Variants in TWIST2 observed in about 807,000 individuals in gnomAD.
TWIST2 encodes twist family bHLH transcription factor 2, also known as twist-related protein 2.
In TWIST2, 1 loss-of-function variant was observed where a neutral mutation model predicts 11.6. The ratio of observed to expected loss-of-function variants is 0.09; its 90% CI spans 0.03 to 0.41. TWIST2 has a LOEUF of 0.41. Ranked by LOEUF, TWIST2 falls within the 10% of genes least tolerant of loss-of-function variation. TWIST2 has a pLI of 0.98. For synonymous variants in TWIST2, 87 were observed against 96.6 expected, an observed-to-expected ratio of 0.90 and a Z score of 0.58; for missense variants, 168 against 226.4, an observed-to-expected ratio of 0.74 and a Z score of 1.66.
chr2:238,883,241 C>G (rs143602143), intron 1 of TWIST2, among the ~76,000 whole-genome samples: 5 of 152,294 alleles, frequency 3.3e-5, no homozygotes, highest in African/African-American at 4.8e-5. Context: ...GTTCCTCCCC[C>G]CAGGCAGTCA....
intron 1 of TWIST2, among the ~76,000 whole-genome samples, chr2:238,898,094 C>G (rs2106371959): frequency 6.6e-6 from 1 of 152,322 alleles, no homozygotes; most frequent in African/African-American, 2.4e-5. Flanking sequence ...TGTGTTAGGA[C>G]CCTTCAGAGG....
In TWIST2 at chr2:238,867,742, C is replaced by T. The variant is rs1692569147; in HGVS notation, c.*35+19009C>T. Among the ~76,000 whole-genome samples the T allele has an allele frequency of 1.3e-5, 2 of 152,150 alleles. No homozygotes were observed. Among genetic ancestry groups the T allele is most frequent in the South Asian group, 4.1e-4 (2 of 4,820 alleles). Reference sequence around the variant, plus strand: ...GCCCTGAAACTAGAAACTGAAAAGGCAGTCACATCCTCATCAGAAAGAAAT... The same window carrying T: ...GCCCTGAAACTAGAAACTGAAAAGGTAGTCACATCCTCATCAGAAAGAAAT... On this transcript the variant is annotated intron_variant, in intron 1 of 1. Coordinates refer to ENST00000612363, the MANE Select transcript of TWIST2 (RefSeq NM_001271893.4). This position sits in a 1 kb window ranked among gnomAD's most constrained non-coding sequence, Gnocchi z 4.8.
rs1692174282 is a variant in TWIST2, at chr2:238,848,462, A to G, written c.247A>G (p.Asn83Asp). 6.4e-7 allele frequency: 1 copy of G among 1,563,594 alleles called. No individual in the cohort carries two copies. The highest frequency in any genetic ancestry group is 8.6e-7 in the Non-Finnish European group (1 of 1,157,604). The change falls in exon 1 of 2, where the codon AAC becomes GAC. Residue 83 changes from asparagine (N) to aspartate (D), a missense_variant. By Grantham distance (23) the Asn-to-Asp change is conservative. This residue lies in a region of TWIST2 where 23 missense variants were observed against 58.5 expected (regional missense o/e 0.39). Coordinates refer to ENST00000612363, the MANE Select transcript of TWIST2 (RefSeq NM_001271893.4). ...VRERQRTQSL[N>D]EAFAALRKII... ...CGAGCGCCAGCGCACCCAGTCGCTC[A>G]ACGAGGCCTTCGCGGCGCTGCGCAA...
chr2:238,903,536 TG>T (rs1693306052), intron 1 of TWIST2, among the ~76,000 whole-genome samples: 1 of 129,924 alleles, frequency 7.7e-6, no homozygotes, highest in African/African-American at 3.0e-5. Flanking sequence ...TAATGTGAGG[TG>T]TGTGTGGGTT....
chr2:238,858,081 G>A (rs1442000974), intron 1 of TWIST2, among the ~76,000 whole-genome samples: 2 of 152,148 alleles, frequency 1.3e-5, no homozygotes, highest in East Asian at 3.9e-4. Flanking sequence ...GTGTTGTACT[G>A]TTTCCTGAAA....
intron 1 of TWIST2, among the ~76,000 whole-genome samples, chr2:238,852,403 A>G (rs36159837): frequency 0.19 from 29,117 of 152,150 alleles, 2,969 homozygotes; most frequent in African/African-American, 0.24. Flanking sequence ...GTGCTGCAAA[A>G]AGCAAACCAA....
chr2:238,853,915 G>A lies in TWIST2; in HGVS notation c.*35+5182G>A, dbSNP rs150164822. Among the ~76,000 whole-genome samples the A allele has an allele frequency of 4.0e-3, 613 of 152,318 alleles. 4 individuals carry two copies. Among genetic ancestry groups the A allele is most frequent in the African/African-American group, 0.014 (581 of 41,564 alleles). ...CCTGTGGTGATGAAGATGAGAGAGC[G>A]CGGCTGCGTGAGCTGAGTGCAGTGT... On this transcript the variant is annotated intron_variant, in intron 1 of 1. Coordinates refer to ENST00000612363, the MANE Select transcript of TWIST2 (RefSeq NM_001271893.4).
intron 1 of TWIST2, among the ~76,000 whole-genome samples, chr2:238,897,939 T>A (rs1353420203): frequency 6.6e-6 from 1 of 152,214 alleles, no homozygotes; most frequent in East Asian, 1.9e-4. Context: ...GCTGGCACCC[T>A]GATGCCTGCC....
chr2:238,880,094 TGTTA>T (rs1692881705), intron 1 of TWIST2, among the ~76,000 whole-genome samples: 2 of 152,178 alleles, frequency 1.3e-5, no homozygotes, highest in South Asian at 2.1e-4. Context: ...TTGATATTAG[TGTTA>T]GTATTTATTT....
rs1692505562 is a variant in TWIST2 at position 238,864,907 on chromosome 2, G to A, written c.*35+16174G>A. Among the ~76,000 whole-genome samples the A allele has an allele frequency of 6.6e-6, 1 of 152,188 alleles. No individual in the cohort carries two copies. The highest frequency in any genetic ancestry group is 6.5e-5 in the Admixed American group (1 of 15,286). Reference sequence around the variant, plus strand: ...CCTGGAGATCCGCCAGGAGCAGAGAGCTCCGGAAGGCCTGCCGGGAGGACC... The same window carrying A: ...CCTGGAGATCCGCCAGGAGCAGAGAACTCCGGAAGGCCTGCCGGGAGGACC... On this transcript the variant is annotated intron_variant, in intron 1 of 1. Coordinates refer to ENST00000612363, the MANE Select transcript of TWIST2 (RefSeq NM_001271893.4). This position sits in a 1 kb window ranked among gnomAD's most constrained non-coding sequence, Gnocchi z 4.7.
chr2:238,882,294 G>C (rs1692950762), intron 1 of TWIST2, among the ~76,000 whole-genome samples: 1 of 152,154 alleles, frequency 6.6e-6, no homozygotes, highest in Non-Finnish European at 1.5e-5. Flanking sequence ...GAGAGCGTGG[G>C]AGTCCCTGGC....
rs1292015547 is a variant in TWIST2 at position 238,863,902 on chromosome 2, C to T, written c.*35+15169C>T. ...GGTCGGCCGTAGAGTAGGTCTACCC[C>T]CTATCCTGGGGGCATCCCTGTGTGC... On this transcript the variant is annotated intron_variant, in intron 1 of 1. Transcript: ENST00000612363. The surrounding 1 kb of genome is among the most constrained non-coding windows in gnomAD (Gnocchi z 4.7). Among the ~76,000 whole-genome samples the T allele has an allele frequency of 2.0e-5, 3 of 152,150 alleles. No individual in the cohort carries two copies. The highest frequency in any genetic ancestry group is 7.2e-5 in the African/African-American group (3 of 41,426).
chr2:238,880,334 TGTTA>T (rs1384700506), intron 1 of TWIST2, among the ~76,000 whole-genome samples: 3 of 144,178 alleles, frequency 2.1e-5, no homozygotes, highest in African/African-American at 5.2e-5. Context: ...TTATTATTAG[TGTTA>T]GTGTCAGTAT....
chr2:238,892,599 GC>G (rs543589400), intron 1 of TWIST2, among the ~76,000 whole-genome samples: 1 of 151,930 alleles, frequency 6.6e-6, no homozygotes, highest in African/African-American at 2.4e-5. Flanking sequence ...TCCTGCCTCA[GC>G]CCCCCGAGTA....
chr2:238,862,167 C>A (rs1692447524), intron 1 of TWIST2, among the ~76,000 whole-genome samples: 1 of 152,100 alleles, frequency 6.6e-6, no homozygotes. Context: ...CTAATGCAGG[C>A]CTTTCCGACC....
intron 1 of TWIST2, among the ~76,000 whole-genome samples, chr2:238,894,413 C>T (rs946913010): frequency 0.038 from 5,760 of 152,264 alleles, 176 homozygotes; most frequent in South Asian, 0.11. Flanking sequence ...CCACACTCAG[C>T]GGGTCACTGT....
chr2:238,848,701 C>T lies in TWIST2; in HGVS notation c.*3C>T. Reference sequence around the variant, plus strand: ...GGTCCATGTCCGCCTCCCACTAGCGCCGCGCCACCCACCTCCGGACCGGCG... The same window carrying T: ...GGTCCATGTCCGCCTCCCACTAGCGTCGCGCCACCCACCTCCGGACCGGCG... On this transcript the variant is annotated 3_prime_UTR_variant, in exon 1 of 2. Transcript: ENST00000612363. The T allele has an allele frequency of 6.6e-7, 1 of 1,506,732 alleles. No individual in the cohort carries two copies. Among genetic ancestry groups the T allele is most frequent in the East Asian group, 2.5e-5 (1 of 39,880 alleles). The allele number at this position is 1,506,732 out of a possible 1,614,324, so 93.3% of individuals were successfully genotyped here.
At chr2:238,897,329 G>T (rs1304495026) in intron 1 of TWIST2, among the ~76,000 whole-genome samples, 2 of 152,116 alleles carry the variant, frequency 1.3e-5, no homozygotes, top group Admixed American at 6.6e-5. Context: ...CTGCCCCTGT[G>T]TCCCCCAAGC....
At chr2:238,895,630 T>C (rs1306938762) in intron 1 of TWIST2, among the ~76,000 whole-genome samples, 2 of 152,172 alleles carry the variant, frequency 1.3e-5, no homozygotes, top group Admixed American at 6.5e-5. Context: ...GCGGTCCCTT[T>C]GCAGTGCTCC....
Sources: gnomAD v4.1 joint callset for allele counts (sites outside exome capture counted in the v4.1 genomes callset) on GRCh38, gnomAD v4.1.1 for gene constraint, gnomAD v4.1.1 regional missense constraint, Gnocchi (gnomAD v3.1) non-coding constraint, MANE v1.5 for transcripts, NCBI Gene and HGNC (gene_info 2026-07-23, HGNC 2026-07-21) for gene names.